Variants in HERC1 observed in about 807,000 individuals in gnomAD.
HERC1 encodes probable E3 ubiquitin-protein ligase HERC1.
Under a neutral mutation model 554.3 loss-of-function variants are expected in HERC1, and 160 were observed. That is an observed-to-expected ratio of 0.29 (90% confidence interval 0.25 to 0.33). The LOEUF is 0.33. Among genes scored for constraint, HERC1 ranks in the 10% least tolerant of loss-of-function variants. The pLI is 1.00. For synonymous variants in HERC1, 2,175 were observed against 2,131.7 expected, an observed-to-expected ratio of 1.02 and a Z score of -0.56; for missense variants, 4,919 against 5,918.5, an observed-to-expected ratio of 0.83 and a Z score of 5.54.
Position 63,747,696 on chromosome 15 carries a change from A to C in HERC1, c.2354+28T>G, listed in dbSNP as rs1180347796. On this transcript the variant is annotated intron_variant, in intron 11 of 77. Transcript: ENST00000443617. ...CACACGCGCGCGCACACACACACAC[A>C]AAGATACAAAACATACATATAACAT... 4 of 1,426,246 alleles carry C rather than the reference A, an allele frequency of 2.8e-6. No individual in the cohort carries two copies. The Admixed American group carries it at 8.0e-5, about 28-fold the overall frequency. The allele number at this position is 1,426,246 out of a possible 1,614,324, so 88.3% of individuals were successfully genotyped here. A position where few individuals can be genotyped will look rare whatever the true frequency, so the allele number is the denominator to read the frequency against.
At position 63,747,869 on chromosome 15, in the gene HERC1, A is replaced by G; in HGVS notation, c.2220-11T>C. Reference sequence around the variant, plus strand: ...CATGCAACAACTTGTCTAGAAGGACACATAAGAAAATAATAAAACAGTCTT... The same window carrying G: ...CATGCAACAACTTGTCTAGAAGGACGCATAAGAAAATAATAAAACAGTCTT... On this transcript the variant is annotated splice_polypyrimidine_tract_variant and intron_variant, in intron 10 of 77. Coordinates refer to ENST00000443617, the MANE Select transcript of HERC1 (RefSeq NM_003922.4). 6.5e-7 allele frequency: 1 copy of G among 1,528,984 alleles called. No homozygotes were observed. Among genetic ancestry groups the G allele is most frequent in the Non-Finnish European group, 8.8e-7 (1 of 1,139,094 alleles). The allele number at this position is 1,528,984 out of a possible 1,614,324, so 94.7% of individuals were successfully genotyped here. A position where few individuals can be genotyped will look rare whatever the true frequency, so the allele number is the denominator to read the frequency against.
At chr15:63,824,533 C>A (rs1252942302) in intron 1 of HERC1, among the ~76,000 whole-genome samples, 95 of 131,910 alleles carry the variant, frequency 7.2e-4, no homozygotes, top group Middle Eastern at 3.8e-3. Context: ...GACTCCATCT[C>A]AAAAAAAAAA....
chr15:63,696,438 ACATTT>A, intron 26 of HERC1, 99 bp from the exon 27 acceptor site: 1 of 752,858 alleles, frequency 1.3e-6, no homozygotes, highest in Non-Finnish European at 2.2e-6. Flanking sequence ...GAAAATTCTG[ACATTT>A]CATATGAATC....
chr15:63,815,484 G>A (rs962643936), intron 1 of HERC1, among the ~76,000 whole-genome samples: 3 of 152,150 alleles, frequency 2.0e-5, no homozygotes, highest in African/African-American at 4.8e-5. Context: ...AATGAAAACC[G>A]TGCCTGGATG....
intron 57 of HERC1, 57 bp from the exon 58 acceptor site, chr15:63,643,607 G>A: frequency 7.8e-7 from 1 of 1,288,432 alleles, no homozygotes; most frequent in Non-Finnish European, 1.1e-6. Flanking sequence ...ATAAGTTCAA[G>A]ATTTATCATT....
chr15:63,795,748 T>C (rs2076793121), intron 1 of HERC1, among the ~76,000 whole-genome samples: 2 of 152,226 alleles, frequency 1.3e-5, no homozygotes, highest in Admixed American at 6.5e-5. Context: ...GACAGGGTCA[T>C]TTATAATCTC....
intron 11 of HERC1, 42 bp downstream of exon 11, chr15:63,747,682 G>GCACA: frequency 1.9e-6 from 2 of 1,068,494 alleles, no homozygotes; most frequent in Non-Finnish European, 2.7e-6. Flanking sequence ...ACACGCGCGC[G>GCACA]CACACACACA....
intron 12 of HERC1, among the ~76,000 whole-genome samples, chr15:63,738,582 A>C (rs2141257832): frequency 6.6e-6 from 1 of 152,314 alleles, no homozygotes; most frequent in Admixed American, 6.5e-5. Flanking sequence ...GAAAATTCAG[A>C]GAGGGTCAAA....
At chr15:63,811,400 T>A (rs752073704) in intron 1 of HERC1, among the ~76,000 whole-genome samples, 1 of 152,160 alleles carries the variant, frequency 6.6e-6, no homozygotes, top group Non-Finnish European at 1.5e-5. Flanking sequence ...TTTGTGAATC[T>A]AGGTGAAAAG....
intron 74 of HERC1, 148 bp downstream of exon 74, chr15:63,622,667 T>C (rs2068134283): frequency 7.7e-6 from 4 of 518,546 alleles, no homozygotes; most frequent in Non-Finnish European, 6.6e-6. Context: ...ATAACAACAA[T>C]ATTTACTCCT....
chr15:63,622,001 T>G (rs1427521500), intron 74 of HERC1, among the ~76,000 whole-genome samples: 2 of 152,226 alleles, frequency 1.3e-5, no homozygotes, highest in Non-Finnish European at 2.9e-5. Flanking sequence ...GTCAAAGTCA[T>G]TCTCCGTCCA....
chr15:63,822,090 C>T (rs1234809205), intron 1 of HERC1, among the ~76,000 whole-genome samples: 3 of 152,046 alleles, frequency 2.0e-5, no homozygotes, highest in Non-Finnish European at 4.4e-5. Flanking sequence ...ATTATGTGAG[C>T]GAGCCAGCAG....
intron 2 of HERC1, among the ~76,000 whole-genome samples, chr15:63,772,799 G>A (rs985128104): frequency 2.6e-5 from 4 of 151,932 alleles, no homozygotes; most frequent in African/African-American, 7.3e-5. Flanking sequence ...AACAAAGCAC[G>A]GCATGCTTTT....
intron 1 of HERC1, among the ~76,000 whole-genome samples, chr15:63,805,307 T>C (rs2077103946): frequency 6.6e-6 from 1 of 152,174 alleles, no homozygotes; most frequent in South Asian, 2.1e-4. Context: ...AAATGAATAA[T>C]AAGCATTATT....
In HERC1 at chr15:63,624,225, T is replaced by C. The variant is rs775039073; in HGVS notation, c.13378A>G (p.Ile4460Val). ...RVYTLPMVRS[I>V]GKTMVQGKNY... ...TTGCCTTGAACCATGGTTTTTCCTATGGAGCGCACCATTGGCAGAGTGTAG... is the reference window on the plus strand; with the variant it reads ...TTGCCTTGAACCATGGTTTTTCCTACGGAGCGCACCATTGGCAGAGTGTAG... The change falls in exon 72 of 78, where the codon ATA (isoleucine) becomes GTA (valine). Residue 4460 changes from isoleucine (I) to valine (V), a missense_variant. By Grantham distance (29) the Ile-to-Val change is conservative (BLOSUM62 3). This residue lies in a region of HERC1 where 410 missense variants were observed against 467.0 expected (regional missense o/e 0.88). Coordinates refer to ENST00000443617, the MANE Select transcript of HERC1 (RefSeq NM_003922.4). The C allele has an allele frequency of 7.4e-6, 12 of 1,613,866 alleles. No individual in the cohort carries two copies. Among genetic ancestry groups the C allele is most frequent in the African/African-American group, 6.7e-5 (5 of 74,946 alleles).
At chr15:63,825,554 C>T (rs1399213581) in intron 1 of HERC1, among the ~76,000 whole-genome samples, 2 of 152,110 alleles carry the variant, frequency 1.3e-5, no homozygotes, top group South Asian at 4.2e-4. Context: ...AGAGAAGAGA[C>T]TGGTGAACAA....
chr15:63,705,389 T>C (rs1375787355), intron 25 of HERC1, among the ~76,000 whole-genome samples: 1 of 152,110 alleles, frequency 6.6e-6, no homozygotes, highest in Non-Finnish European at 1.5e-5. Flanking sequence ...AGTGCTGGGA[T>C]TACAGGTGTG....
chr15:63,699,250 C>T (rs1459941746), intron 25 of HERC1, among the ~76,000 whole-genome samples: 1 of 152,180 alleles, frequency 6.6e-6, no homozygotes, highest in Non-Finnish European at 1.5e-5. Flanking sequence ...AGCGCTTTAG[C>T]AACACGCTGC....
rs900699095 is a variant in HERC1, at chr15:63,805,227, GC to G, written c.-27+28599del. 1.2e-4 allele frequency among the ~76,000 whole-genome samples: 18 copies of G among 152,144 alleles called. 2 individuals carry two copies. The highest frequency in any genetic ancestry group is 8.5e-4 in the Admixed American group (13 of 15,280). ...TACATCATAATATATGCATACAATGGCATACTACTCAGTAATAAAAAGGAAT... is the reference window on the plus strand; with the variant it reads ...TACATCATAATATATGCATACAATGGATACTACTCAGTAATAAAAAGGAAT... On this transcript the variant is annotated intron_variant, in intron 1 of 77. Coordinates refer to ENST00000443617, the MANE Select transcript of HERC1 (RefSeq NM_003922.4).
Sources: gnomAD v4.1 joint callset for allele counts (sites outside exome capture counted in the v4.1 genomes callset) on GRCh38, gnomAD v4.1.1 for gene constraint, gnomAD v4.1.1 regional missense constraint, MANE v1.5 for transcripts, NCBI Gene and HGNC (gene_info 2026-07-23, HGNC 2026-07-21) for gene names.